WRNIP1: variants seen among roughly 807,000 people sequenced by gnomAD.
The protein encoded by WRNIP1 is WRN helicase interacting protein 1, also known as ATPase WRNIP1.
A neutral mutation model predicts 56.1 loss-of-function variants in WRNIP1; 41 were observed. The observed-to-expected ratio is 0.73, with a 90% CI of 0.57 to 0.95. The LOEUF is 0.95. WRNIP1 is among the 40% of genes least tolerant of loss of function. WRNIP1 has a pLI of 0.00. For synonymous variants in WRNIP1, 547 were observed against 398.1 expected, an observed-to-expected ratio of 1.37 and a Z score of -4.45; for missense variants, 1,170 against 939.4, an observed-to-expected ratio of 1.25 and a Z score of -3.21.
intron 3 of WRNIP1, chr6:2,774,251 A>C (rs1765380650): frequency 2.0e-6 from 2 of 985,476 alleles, no homozygotes; most frequent in Non-Finnish European, 1.2e-6. Context: ...CCAGAACCAC[A>C]GATCTCATGG....
At chr6:2,780,406 C>T (rs932507140) in intron 4 of WRNIP1, among the ~76,000 whole-genome samples, 20 of 152,294 alleles carry the variant, frequency 1.3e-4, no homozygotes, top group Admixed American at 1.3e-3. Flanking sequence ...TGGGTGAGCA[C>T]ACTCGCTGCA....
At chr6:2,766,735 C>G (rs1434387202) in intron 1 of WRNIP1, among the ~76,000 whole-genome samples, 1 of 152,188 alleles carries the variant, frequency 6.6e-6, no homozygotes, top group African/African-American at 2.4e-5. Flanking sequence ...TTTGATCTGC[C>G]TTTATCTTCC....
intron 3 of WRNIP1, among the ~76,000 whole-genome samples, chr6:2,774,933 TGTC>T (rs1167201226): frequency 6.6e-6 from 1 of 152,216 alleles, no homozygotes; most frequent in Non-Finnish European, 1.5e-5. Flanking sequence ...AAGCAGTATT[TGTC>T]GAGTCTCATG....
intron 4 of WRNIP1, among the ~76,000 whole-genome samples, chr6:2,782,738 A>G (rs1765592431): frequency 6.6e-6 from 1 of 152,184 alleles, no homozygotes; most frequent in South Asian, 2.1e-4. Context: ...AGCACATTTC[A>G]CTGATTTCAT....
intron 2 of WRNIP1, among the ~76,000 whole-genome samples, chr6:2,769,233 T>G (rs1356758388): frequency 6.6e-6 from 1 of 152,238 alleles, no homozygotes; most frequent in Admixed American, 6.5e-5. Context: ...AATGGGTTTT[T>G]AAAAATTACT....
intron 4 of WRNIP1, among the ~76,000 whole-genome samples, chr6:2,782,011 G>T (rs1176528338): frequency 6.6e-6 from 1 of 152,222 alleles, no homozygotes; most frequent in Non-Finnish European, 1.5e-5. Flanking sequence ...TTGACAAAGT[G>T]GGAAAAGATG....
At chr6:2,783,607 G>A (rs1765629732) in intron 5 of WRNIP1, 46 bp downstream of exon 5, 1 of 1,022,112 alleles carries the variant, frequency 9.8e-7, no homozygotes, top group South Asian at 2.3e-5. Context: ...CATGAGGGTG[G>A]GGAAATGGCT....
chr6:2,786,743 A>T lies in WRNIP1; in HGVS notation c.*1461A>T, dbSNP rs925426815. ...CCACATTGTTGTCAAGTTTGAAGGC[A>T]TCCTGATGTGTGTGGTCTTTTGTTT... On this transcript the variant is annotated 3_prime_UTR_variant, in exon 7 of 7. Transcript: ENST00000380773. 6.6e-6 allele frequency: 1 copy of T among 152,172 alleles called. No homozygotes were observed. Among genetic ancestry groups the T allele is most frequent in the Non-Finnish European group, 1.5e-5 (1 of 68,044 alleles). 9.4% of individuals were successfully genotyped at this position (152,172 alleles called of 1,614,324 possible).
Position 2,783,522 on chromosome 6 carries a change from G to C in WRNIP1, c.1603G>C (p.Val535Leu). The change falls in exon 5 of 7, where the codon GTG becomes CTG. Residue 535 changes from valine (V) to leucine (L), a missense_variant. Transcript: ENST00000380773. ...CGAGGGAGGAGAGGACCCACTCTACGTGGCACGGAGGCTTGTCAGGTTTGC... is the reference window on the plus strand; with the variant it reads ...CGAGGGAGGAGAGGACCCACTCTACCTGGCACGGAGGCTTGTCAGGTTTGC... ...MLEGGEDPLY[V>L]ARRLVRFASE... is the part of the protein sequence containing the mutation. The C allele has an allele frequency of 1.9e-6, 3 of 1,613,472 alleles. No individual in the cohort carries two copies. Among genetic ancestry groups the C allele is most frequent in the South Asian group, 1.1e-5 (1 of 90,964 alleles).
chr6:2,784,149 T>C (rs1249115907), intron 5 of WRNIP1, among the ~76,000 whole-genome samples, 175 bp from the exon 6 acceptor site: 1 of 152,214 alleles, frequency 6.6e-6, no homozygotes, highest in Middle Eastern at 3.2e-3. Context: ...ACTCTCAATA[T>C]TTCTTGCATA....
chr6:2,775,874 TC>T (rs2113471489), intron 3 of WRNIP1, among the ~76,000 whole-genome samples: 1 of 152,378 alleles, frequency 6.6e-6, no homozygotes, highest in East Asian at 1.9e-4. Flanking sequence ...ATAATTTACT[TC>T]CTATTGTTTA....
At chr6:2,771,550 T>C (rs553103594) in intron 3 of WRNIP1, among the ~76,000 whole-genome samples, 30 of 152,314 alleles carry the variant, frequency 2.0e-4, no homozygotes, top group Non-Finnish European at 3.5e-4. Context: ...GTAGTACAGG[T>C]TGAGTATCCC....
chr6:2,783,558 A>G lies in WRNIP1; in HGVS notation c.1639A>G (p.Ile547Val), dbSNP rs1219831510. 1.3e-6 allele frequency: 2 copies of G among 1,586,584 alleles called. No individual in the cohort carries two copies. Among genetic ancestry groups the G allele is most frequent in the East Asian group, 2.3e-5 (1 of 42,830 alleles). Residue 547 changes from isoleucine (I) to valine (V), a missense_variant, in exon 5 of 7, where the codon ATA (isoleucine) becomes GTA (valine). Physicochemically the swap from Ile to Val is conservative, Grantham distance 29. Coordinates refer to ENST00000380773, the MANE Select transcript of WRNIP1 (RefSeq NM_020135.3). The part of the protein sequence containing the change: ...RRLVRFASED[I>V]GLADPSALTQ... Reference sequence around the variant, plus strand: ...GCTTGTCAGGTTTGCCAGCGAGGACATAGGTGAGTGTGATGGGAGGGTCCC... The same window carrying G: ...GCTTGTCAGGTTTGCCAGCGAGGACGTAGGTGAGTGTGATGGGAGGGTCCC...
intron 3 of WRNIP1, among the ~76,000 whole-genome samples, chr6:2,772,237 G>A (rs1765311411): frequency 6.6e-6 from 1 of 152,220 alleles, no homozygotes; most frequent in African/African-American, 2.4e-5. Context: ...TTTAGTTATT[G>A]AAACTGATAT....
chr6:2,770,499 A>G, intron 3 of WRNIP1, 138 bp downstream of exon 3: 1 of 1,285,986 alleles, frequency 7.8e-7, no homozygotes, highest in South Asian at 1.5e-5. Context: ...AATGAAAATA[A>G]AAGAGGAGGG....
chr6:2,779,147 G>GCA (rs1765500174), intron 3 of WRNIP1, 116 bp from the exon 4 acceptor site: 1 of 1,054,918 alleles, frequency 9.5e-7, no homozygotes, highest in Admixed American at 2.3e-5. Flanking sequence ...AGAATAAGAG[G>GCA]CAAAGGCCTT....
At position 2,783,498 on chromosome 6, in the gene WRNIP1, G is replaced by A. The variant is rs375911501; in HGVS notation, c.1579G>A (p.Glu527Lys). ...CCTCTACTGGCTGGCTCGCATGCTCGAGGGAGGAGAGGACCCACTCTACGT... is the reference window on the plus strand; with the variant it reads ...CCTCTACTGGCTGGCTCGCATGCTCAAGGGAGGAGAGGACCCACTCTACGT... Reference protein sequence around the residue: ...ASLYWLARMLEGGEDPLYVAR... With the variant: ...ASLYWLARMLKGGEDPLYVAR... Residue 527 changes from glutamate (E) to lysine (K), a missense_variant, in exon 5 of 7, where the codon GAG becomes AAG. Coordinates refer to ENST00000380773, the MANE Select transcript of WRNIP1 (RefSeq NM_020135.3). The A allele has an allele frequency of 5.0e-5, 81 of 1,613,832 alleles. No homozygotes were observed. Among genetic ancestry groups the A allele is most frequent in the Middle Eastern group, 1.6e-4 (1 of 6,084 alleles).
At chr6:2,773,035 C>T (rs1027816647) in intron 3 of WRNIP1, 6 of 985,228 alleles carry the variant, frequency 6.1e-6, no homozygotes, top group African/African-American at 1.7e-5. Flanking sequence ...TTGAACTGCA[C>T]GTGAGAGGAG....
At position 2,785,176 on chromosome 6, in the gene WRNIP1, A is replaced by G. The variant is rs1561919190; in HGVS notation, c.1892A>G (p.Tyr631Cys). ...ACTAGGCTGATGAAGGATTTGGGCTATGGCAAAGGCTACAAGTACAACCCC... is the reference window on the plus strand; with the variant it reads ...ACTAGGCTGATGAAGGATTTGGGCTGTGGCAAAGGCTACAAGTACAACCCC... Reference protein sequence around the residue: ...APTRLMKDLGYGKGYKYNPMY... With the variant: ...APTRLMKDLGCGKGYKYNPMY... The change falls in exon 7 of 7, where the codon TAT becomes TGT. Residue 631 changes from tyrosine (Y) to cysteine (C), a missense_variant. Coordinates refer to ENST00000380773, the MANE Select transcript of WRNIP1 (RefSeq NM_020135.3). 2 of 1,614,216 alleles carry G rather than the reference A, an allele frequency of 1.2e-6. No homozygotes were observed. Among genetic ancestry groups the G allele is most frequent in the East Asian group, 2.2e-5 (1 of 44,890 alleles).
Sources: allele counts gnomAD v4.1 joint callset (sites outside exome capture counted in the v4.1 genomes callset), GRCh38; gene constraint gnomAD v4.1.1; transcripts MANE v1.5; gene names NCBI Gene and HGNC (gene_info 2026-07-23, HGNC 2026-07-21).